The following CD27 variants were observed in gnomAD, a reference collection of about 807,000 sequenced individuals.
CD27 encodes CD27 molecule.
A neutral mutation model predicts 25.9 loss-of-function variants in CD27; 16 were observed. That is an observed-to-expected ratio of 0.62 (90% CI 0.42 to 0.94). The LOEUF (loss-of-function observed/expected upper bound fraction) is 0.94, where lower values mean the gene tolerates loss of function less well. Among genes scored for constraint, CD27 ranks in the 40% least tolerant of loss-of-function variants. The probability of loss-of-function intolerance (pLI) is 0.00; values close to 1 mark genes in which losing one functional copy is unlikely to be tolerated. For synonymous variants in CD27, 142 were observed against 124.3 expected, an observed-to-expected ratio of 1.14 and a Z score of -0.95; for missense variants, 300 against 333.2, an observed-to-expected ratio of 0.90 and a Z score of 0.78.
chr12:6,445,432 C>T lies in CD27; in HGVS notation c.145C>T (p.Leu49Phe). ...CCQMCEPGTF[L>F]VKDCDQHRKA... Reference sequence around the variant, plus strand: ...TTACCCTCTCCTCCCAGGAACATTCCTCGTGAAGGACTGTGACCAGCATAG... The same window carrying T: ...TTACCCTCTCCTCCCAGGAACATTCTTCGTGAAGGACTGTGACCAGCATAG... The change falls in exon 2 of 6, where the codon CTC becomes TTC. Residue 49 changes from leucine (L) to phenylalanine (F), a missense_variant. Leu to Phe is a conservative substitution (Grantham distance 22). Transcript: ENST00000266557. The surrounding 1 kb of genome is among the most constrained non-coding windows in gnomAD (Gnocchi z 4.5). 1 of 1,614,178 alleles carries T rather than the reference C, an allele frequency of 6.2e-7. No individual in the cohort carries two copies.
rs1033863832 is a variant in CD27, at chr12:6,451,584, T to A, written c.*192T>A. On this transcript the variant is annotated 3_prime_UTR_variant, in exon 6 of 6. Coordinates refer to ENST00000266557, the MANE Select transcript of CD27 (RefSeq NM_001242.5). ...GGACAAATATGGATGAGGTGGAGAG[T>A]GGGAAGCAGGAGCCCAGCCAGCTGC... The A allele has an allele frequency of 6.8e-6, 4 of 588,036 alleles. No individual in the cohort carries two copies. Among genetic ancestry groups the A allele is most frequent in the South Asian group, 2.9e-5 (1 of 35,082 alleles). 36.4% of individuals were successfully genotyped at this position (588,036 alleles called of 1,614,324 possible).
Position 6,450,732 on chromosome 12 carries a change from G to T in CD27, c.538+102G>T, listed in dbSNP as rs570162477. The T allele has an allele frequency of 2.6e-4, 369 of 1,416,522 alleles. No individual in the cohort carries two copies. The highest frequency in any genetic ancestry group is 1.5e-3 in the East Asian group (66 of 43,686). 87.7% of individuals were successfully genotyped at this position (1,416,522 alleles called of 1,614,324 possible). Reference sequence around the variant, plus strand: ...TCCTAGGATTAGGGATAAGAGGAGGGGAAAAAGCAGAGTCCACTGTTTAGG... The same window carrying T: ...TCCTAGGATTAGGGATAAGAGGAGGTGAAAAAGCAGAGTCCACTGTTTAGG... On this transcript the variant is annotated intron_variant, in intron 4 of 5. Transcript: ENST00000266557. This position sits in a 1 kb window ranked among gnomAD's most constrained non-coding sequence, Gnocchi z 4.1.
chr12:6,450,655 C>T lies in CD27; in HGVS notation c.538+25C>T, dbSNP rs778137725. Reference sequence around the variant, plus strand: ...CGTGAGTTTTCTCCTTAATCCCCACCGCTAGAGAGAATGCATACACGAGGG... The same window carrying T: ...CGTGAGTTTTCTCCTTAATCCCCACTGCTAGAGAGAATGCATACACGAGGG... On this transcript the variant is annotated intron_variant, in intron 4 of 5. Transcript: ENST00000266557. The surrounding 1 kb of genome is among the most constrained non-coding windows in gnomAD (Gnocchi z 4.1). The T allele has an allele frequency of 2.5e-6, 4 of 1,597,182 alleles. No homozygotes were observed. The African/African-American group carries it at 4.0e-5, about 16-fold the overall frequency.
chr12:6,451,261 T>C lies in CD27; in HGVS notation c.659-7T>C. ...CTGGCCAAGACTCATCGGATCTCCTTCTGCAGACAAAGGAGAAAGTCCTGT... is the reference window on the plus strand; with the variant it reads ...CTGGCCAAGACTCATCGGATCTCCTCCTGCAGACAAAGGAGAAAGTCCTGT... On this transcript the variant is annotated splice_polypyrimidine_tract_variant and splice_region_variant and intron_variant, in intron 5 of 5. Transcript: ENST00000266557. The C allele has an allele frequency of 1.2e-6, 2 of 1,613,800 alleles. No homozygotes were observed. The highest frequency in any genetic ancestry group is 1.7e-6 in the Non-Finnish European group (2 of 1,179,840).
At position 6,445,586 on chromosome 12, in the gene CD27, C is replaced by A. The variant is rs1487108862; in HGVS notation, c.268+31C>A. ...GTGGGCAAGGGTGTGTAGGTGGGGACGATGGACAAGCATCTGGGGGAGCAA... is the reference window on the plus strand; with the variant it reads ...GTGGGCAAGGGTGTGTAGGTGGGGAAGATGGACAAGCATCTGGGGGAGCAA... On this transcript the variant is annotated intron_variant, in intron 2 of 5. Transcript: ENST00000266557. The surrounding 1 kb of genome is among the most constrained non-coding windows in gnomAD (Gnocchi z 4.5). The A allele has an allele frequency of 1.2e-6, 2 of 1,608,274 alleles. No homozygotes were observed. The highest frequency in any genetic ancestry group is 1.7e-6 in the Non-Finnish European group (2 of 1,178,348).
At position 6,451,389 on chromosome 12, in the gene CD27, C is replaced by G; in HGVS notation, c.780C>G (p.Pro260=). The part of the protein sequence containing the change: ...DYRKPEPACS[P] ...GAAAACCGGAGCCTGCCTGCTCCCCCTGAGCCAGCACCTGCGGGAGCTGCA... is the reference window on the plus strand; with the variant it reads ...GAAAACCGGAGCCTGCCTGCTCCCCGTGAGCCAGCACCTGCGGGAGCTGCA... Residue 260 remains proline, a synonymous_variant, in exon 6 of 6, where the codon CCC becomes CCG. Transcript: ENST00000266557. The G allele has an allele frequency of 3.1e-6, 5 of 1,612,734 alleles. No individual in the cohort carries two copies. Among genetic ancestry groups the G allele is most frequent in the Non-Finnish European group, 3.4e-6 (4 of 1,179,752 alleles).
rs201916358 is a variant in CD27 at position 6,445,453 on chromosome 12, C to A, written c.166C>A (p.His56Asn). The part of the protein sequence containing the change: ...GTFLVKDCDQ[H>N]RKAAQCDPCI... ...ATTCCTCGTGAAGGACTGTGACCAG[C>A]ATAGAAAGGCTGCTCAGTGTGATCC... Residue 56 changes from histidine to asparagine, a missense_variant, in exon 2 of 6, where the codon CAT becomes AAT. Physicochemically the swap from His to Asn is moderately conservative, Grantham distance 68. Transcript: ENST00000266557. The surrounding 1 kb of genome is among the most constrained non-coding windows in gnomAD (Gnocchi z 4.5). The A allele has an allele frequency of 6.2e-7, 1 of 1,614,200 alleles. No individual in the cohort carries two copies. The highest frequency in any genetic ancestry group is 8.5e-7 in the Non-Finnish European group (1 of 1,180,030).
rs772449872 is a variant in CD27, at chr12:6,445,126, G to A, written c.31G>A (p.Val11Ile). The change falls in exon 1 of 6, where the codon GTT becomes ATT. Residue 11 changes from valine (V) to isoleucine (I), a missense_variant. Coordinates refer to ENST00000266557, the MANE Select transcript of CD27 (RefSeq NM_001242.5). This position sits in a 1 kb window ranked among gnomAD's most constrained non-coding sequence, Gnocchi z 4.5. ...ACGGCCACATCCCTGGTGGCTGTGCGTTCTGGGGACCCTGGTGGGGCTCTC... is the reference window on the plus strand; with the variant it reads ...ACGGCCACATCCCTGGTGGCTGTGCATTCTGGGGACCCTGGTGGGGCTCTC... MARPHPWWLC[V>I]LGTLVGLSAT... 4.2e-5 allele frequency: 68 copies of A among 1,606,936 alleles called. No homozygotes were observed. The highest frequency in any genetic ancestry group is 1.7e-4 in the Middle Eastern group (1 of 5,876).
intron 2 of CD27, chr12:6,448,809 A>G (rs1049107046): frequency 1.4e-5 from 2 of 143,802 alleles, no homozygotes; most frequent in African/African-American, 4.9e-5. Context: ...TAATCAAGTA[A>G]CTATTTATTA....
At chr12:6,444,763 G>A, upstream of CD27, 1 of 218,560 alleles carries the variant, frequency 4.6e-6, no homozygotes. Flanking sequence ...GCAGGAGTCA[G>A]TGGGCTACGT....
Position 6,450,718 on chromosome 12 carries a change from G to A in CD27, c.538+88G>A. 7.0e-7 allele frequency: 1 copy of A among 1,434,212 alleles called. No individual in the cohort carries two copies. Among genetic ancestry groups the A allele is most frequent in the Non-Finnish European group, 9.7e-7 (1 of 1,032,170 alleles). The allele number at this position is 1,434,212 out of a possible 1,614,324, so 88.8% of individuals were successfully genotyped here. ...GCCAGACAGAAAGCTCCTAGGATTA[G>A]GGATAAGAGGAGGGGAAAAAGCAGA... is the stretch of plus-strand genomic sequence containing the variant. On this transcript the variant is annotated intron_variant, in intron 4 of 5. Coordinates refer to ENST00000266557, the MANE Select transcript of CD27 (RefSeq NM_001242.5). This position sits in a 1 kb window ranked among gnomAD's most constrained non-coding sequence, Gnocchi z 4.1.
At position 6,450,785 on chromosome 12, in the gene CD27, G is replaced by A; in HGVS notation, c.539-110G>A. ...AGGAGTTGGCCAACGGTGGCGGGTG[G>A]GATAGAATAAGGTGGGGGAAAGGGG... is the stretch of plus-strand genomic sequence containing the variant. On this transcript the variant is annotated intron_variant, in intron 4 of 5. Transcript: ENST00000266557. The surrounding 1 kb of genome is among the most constrained non-coding windows in gnomAD (Gnocchi z 4.1). 6.6e-7 allele frequency: 1 copy of A among 1,515,854 alleles called. No individual in the cohort carries two copies. Among genetic ancestry groups the A allele is most frequent in the Non-Finnish European group, 9.1e-7 (1 of 1,103,286 alleles). 93.9% of individuals were successfully genotyped at this position (1,515,854 alleles called of 1,614,324 possible).
At chr12:6,448,197 CCTTTGACATTCTCT>C (rs1949449824) in intron 2 of CD27, 1 of 152,248 alleles carries the variant, frequency 6.6e-6, no homozygotes, top group South Asian at 2.1e-4. Flanking sequence ...TTGGTTATGA[CCTTTGACATTCTCT>C]CTTTGACATC....
intron 2 of CD27, chr12:6,447,086 C>A (rs1018306979): frequency 6.6e-6 from 1 of 151,864 alleles, no homozygotes; most frequent in African/African-American, 2.4e-5. Flanking sequence ...CAGAGTGAGA[C>A]CCTGTTTCCA....
rs150578547 is a variant in CD27 at position 6,450,295 on chromosome 12, C to T, written c.391C>T (p.Arg131Trp). ...TCTTCCAAACCCTTCGCTGACCGCT[C>T]GGTCGTCTCAGGCCCTGAGCCCACA... ...DPLPNPSLTA[R>W]SSQALSPHPQ... is the part of the protein sequence containing the mutation. The change falls in exon 3 of 6, where the codon CGG becomes TGG. Residue 131 changes from arginine (R) to tryptophan (W), a missense_variant. Transcript: ENST00000266557. This position sits in a 1 kb window ranked among gnomAD's most constrained non-coding sequence, Gnocchi z 4.1. The T allele has an allele frequency of 9.5e-5, 153 of 1,613,744 alleles. No homozygotes were observed. The African/African-American group carries it at 1.7e-3, about 18-fold the overall frequency.
chr12:6,450,705 G>A lies in CD27; in HGVS notation c.538+75G>A. Reference sequence around the variant, plus strand: ...GGCCAGGAGGGAAGCCAGACAGAAAGCTCCTAGGATTAGGGATAAGAGGAG... The same window carrying A: ...GGCCAGGAGGGAAGCCAGACAGAAAACTCCTAGGATTAGGGATAAGAGGAG... On this transcript the variant is annotated intron_variant, in intron 4 of 5. Transcript: ENST00000266557. The surrounding 1 kb of genome is among the most constrained non-coding windows in gnomAD (Gnocchi z 4.1). 6.8e-7 allele frequency: 1 copy of A among 1,478,958 alleles called. No individual in the cohort carries two copies. The highest frequency in any genetic ancestry group is 9.4e-7 in the Non-Finnish European group (1 of 1,069,166). 91.6% of individuals were successfully genotyped at this position (1,478,958 alleles called of 1,614,324 possible).
In CD27 at chr12:6,450,671, T is replaced by A; in HGVS notation, c.538+41T>A. 1 of 1,566,806 alleles carries A rather than the reference T, an allele frequency of 6.4e-7. No individual in the cohort carries two copies. Among genetic ancestry groups the A allele is most frequent in the Non-Finnish European group, 8.8e-7 (1 of 1,142,722 alleles). On this transcript the variant is annotated intron_variant, in intron 4 of 5. Coordinates refer to ENST00000266557, the MANE Select transcript of CD27 (RefSeq NM_001242.5). This position sits in a 1 kb window ranked among gnomAD's most constrained non-coding sequence, Gnocchi z 4.1. ...AATCCCCACCGCTAGAGAGAATGCA[T>A]ACACGAGGGGCCAGGAGGGAAGCCA...
At chr12:6,444,792 G>T, upstream of CD27, 1 of 276,608 alleles carries the variant, frequency 3.6e-6, no homozygotes, top group Admixed American at 5.1e-5. Flanking sequence ...AGCAGGAGAG[G>T]CGGAAACTAA....
Position 6,444,967 on chromosome 12 carries a change from G to A in CD27, c.-129G>A. 1 of 1,047,796 alleles carries A rather than the reference G, an allele frequency of 9.5e-7. No homozygotes were observed. Among genetic ancestry groups the A allele is most frequent in the Non-Finnish European group, 1.3e-6 (1 of 753,634 alleles). The allele number at this position is 1,047,796 out of a possible 1,614,324, so 64.9% of individuals were successfully genotyped here. A position where few individuals can be genotyped will look rare whatever the true frequency, so the allele number is the denominator to read the frequency against. ...ATAGAGATTCTGCCTTCAAAGGTTG[G>A]CTTGCCACCTGAAGCAGCCACTGCC... On this transcript the variant is annotated 5_prime_UTR_variant, in exon 1 of 6. Transcript: ENST00000266557.
Sources: allele counts gnomAD v4.1 joint callset, GRCh38; gene constraint gnomAD v4.1.1; non-coding constraint Gnocchi (gnomAD v3.1); transcripts MANE v1.5; gene names NCBI Gene and HGNC (gene_info 2026-07-23, HGNC 2026-07-21).